The following DRC9 variants were observed in gnomAD, a reference collection of about 807,000 sequenced individuals.
The protein encoded by DRC9 is dynein regulatory complex subunit 9.
At chr3:197,898,646 C>A in the DRC9 span, among the ~76,000 whole-genome samples, 2 of 152,192 alleles carry the variant, frequency 1.3e-5, no homozygotes, top group African/African-American at 2.4e-5. Flanking sequence ...AGGAAACTTA[C>A]AATCATGGCA....
chr3:197,938,715 T>C, the DRC9 span: 34 of 1,614,094 alleles, frequency 2.1e-5, no homozygotes, highest in East Asian at 1.6e-4. Context: ...TGGGTATTTT[T>C]GTGATTGTTG....
the DRC9 span, chr3:197,932,337 A>C: frequency 1.3e-6 from 2 of 1,587,528 alleles, no homozygotes; most frequent in Non-Finnish European, 1.7e-6. Context: ...AAAATGAGTT[A>C]ATAAATTCTA....
chr3:197,951,794 C>T, the DRC9 span: 1 of 166,004 alleles, frequency 6.0e-6, no homozygotes, highest in Non-Finnish European at 1.3e-5. Context: ...TGCCTCCTGG[C>T]TCAAGCGATT....
the DRC9 span, chr3:197,945,820 G>C: frequency 1.8e-6 from 1 of 554,062 alleles, no homozygotes; most frequent in East Asian, 3.1e-5. Flanking sequence ...GTGCGGAGTG[G>C]AGCAGTCCCA....
At chr3:197,903,075 G>A in the DRC9 span, among the ~76,000 whole-genome samples, 2 of 152,010 alleles carry the variant, frequency 1.3e-5, no homozygotes, top group African/African-American at 2.4e-5. Context: ...ACAAACACTG[G>A]GGAAAGGATA....
At chr3:197,933,536 T>C in the DRC9 span, among the ~76,000 whole-genome samples, 1 of 152,172 alleles carries the variant, frequency 6.6e-6, no homozygotes, top group Non-Finnish European at 1.5e-5. Context: ...TTATGAAGTA[T>C]TTCAAAAATT....
At chr3:197,915,159 GT>G in the DRC9 span, among the ~76,000 whole-genome samples, 1 of 76,810 alleles carries the variant, frequency 1.3e-5, no homozygotes. Context: ...GCGAGATTCT[GT>G]CTCAAAAAAA....
chr3:197,933,449 C>T, the DRC9 span, among the ~76,000 whole-genome samples: 4 of 151,804 alleles, frequency 2.6e-5, no homozygotes, highest in Admixed American at 2.0e-4. Flanking sequence ...CTCAAAAAAA[C>T]ACAAAAAACA....
At chr3:197,936,691 T>G in the DRC9 span, among the ~76,000 whole-genome samples, 4 of 152,354 alleles carry the variant, frequency 2.6e-5, no homozygotes, top group South Asian at 8.3e-4. Flanking sequence ...CTTGATATTT[T>G]GATTTCCACT....
At chr3:197,891,637 AAAT>A in the DRC9 span, 3 of 599,466 alleles carry the variant, frequency 5.0e-6, no homozygotes, top group Non-Finnish European at 8.7e-6. Flanking sequence ...TAAAATTTCA[AAAT>A]AAAACATGCT....
chr3:197,936,819 A>G, the DRC9 span, among the ~76,000 whole-genome samples: 1 of 152,206 alleles, frequency 6.6e-6, no homozygotes, highest in Non-Finnish European at 1.5e-5. Context: ...TGGGTCTTTC[A>G]GGAAAAGATA....
At chr3:197,935,446 AAAAAAAG>A in the DRC9 span, among the ~76,000 whole-genome samples, 30 of 88,320 alleles carry the variant, frequency 3.4e-4, no homozygotes, top group African/African-American at 2.2e-3. Flanking sequence ...CTCCAAAAAA[AAAAAAAG>A]AAAAGAAAAG....
the DRC9 span, among the ~76,000 whole-genome samples, chr3:197,910,807 C>T: frequency 6.6e-6 from 1 of 152,004 alleles, no homozygotes; most frequent in South Asian, 2.1e-4. Flanking sequence ...CAGTGAAACC[C>T]CATCTCTACT....
At chr3:197,893,910 C>T in the DRC9 span, among the ~76,000 whole-genome samples, 1 of 152,098 alleles carries the variant, frequency 6.6e-6, no homozygotes, top group East Asian at 1.9e-4. Context: ...ACATAGCCAA[C>T]CCAGCATTCA....
At chr3:197,944,241 C>T in the DRC9 span, among the ~76,000 whole-genome samples, 1 of 149,506 alleles carries the variant, frequency 6.7e-6, no homozygotes, top group Non-Finnish European at 1.5e-5. Flanking sequence ...CAACCAAAGG[C>T]AAACAACTTA....
the DRC9 span, among the ~76,000 whole-genome samples, chr3:197,923,070 G>A: frequency 6.6e-6 from 1 of 152,072 alleles, no homozygotes; most frequent in Admixed American, 6.6e-5. Context: ...AATAAGAGAA[G>A]GTGTTAGGCA....
At chr3:197,959,852 TAC>T in the DRC9 span, 2 of 232,750 alleles carry the variant, frequency 8.6e-6, no homozygotes, top group African/African-American at 4.5e-5. Context: ...CACCTTTTCA[TAC>T]AGAGGACTAC....
the DRC9 span, chr3:197,960,033 A>G: frequency 1.7e-6 from 1 of 593,724 alleles, no homozygotes; most frequent in South Asian, 2.1e-5. Flanking sequence ...TGGGCCTCCA[A>G]ACAGCATTTA....
chr3:197,903,054 A>T, the DRC9 span, among the ~76,000 whole-genome samples: 2 of 152,250 alleles, frequency 1.3e-5, no homozygotes, highest in Admixed American at 6.5e-5. Flanking sequence ...TTTTTGACAA[A>T]GGTACCAAGA....
Sources: gnomAD v4.1 joint callset for allele counts (sites outside exome capture counted in the v4.1 genomes callset) on GRCh38, gnomAD v4.1.1 for gene constraint, MANE v1.5 for transcripts, NCBI Gene and HGNC (gene_info 2026-07-23, HGNC 2026-07-21) for gene names.